The following PKHD1 variants were observed in gnomAD, a reference collection of about 807,000 sequenced individuals.
The protein encoded by PKHD1 is PKHD1 ciliary IPT domain containing fibrocystin/polyductin.
PKHD1 carries 291 observed loss-of-function variants against 412.0 expected under a neutral mutation model. The observed-to-expected ratio is 0.71, with a 90% confidence interval of 0.64 to 0.78. The LOEUF is 0.78. Ranked by LOEUF, PKHD1 falls within the 30% of genes least tolerant of loss-of-function variation. The pLI, the probability that PKHD1 is intolerant of heterozygous loss-of-function variation, is 0.00. For missense variants in PKHD1, 4,825 were observed against 4,950.7 expected (o/e 0.97, Z 0.76); for synonymous variants, 1,777 against 1,821.5 (o/e 0.98, Z 0.62).
chr6:51,760,677 G>T (rs567117435), intron 55 of PKHD1, among the ~76,000 whole-genome samples: 2 of 151,884 alleles, frequency 1.3e-5, no homozygotes, highest in East Asian at 1.9e-4. Flanking sequence ...GTAGCAGATA[G>T]GAAAGAAAAA....
At chr6:51,943,184 T>C (rs925564985) in intron 36 of PKHD1, among the ~76,000 whole-genome samples, 3 of 151,500 alleles carry the variant, frequency 2.0e-5, no homozygotes, top group African/African-American at 7.3e-5. Context: ...AGTGAACTAA[T>C]AGTCTTTTAA....
chr6:51,653,413 A>G (rs1479273232), intron 61 of PKHD1, among the ~76,000 whole-genome samples: 1 of 152,084 alleles, frequency 6.6e-6, no homozygotes, highest in Admixed American at 6.6e-5. Context: ...GTAAGCACCC[A>G]GTACATGTTG....
intron 51 of PKHD1, 89 bp from the exon 52 acceptor site, chr6:51,831,078 A>G: frequency 1.1e-6 from 1 of 948,062 alleles, no homozygotes; most frequent in Non-Finnish European, 1.7e-6. Context: ...TGGTATTTTC[A>G]CCTCCCAAAG....
chr6:51,886,222 T>C (rs1236516659), intron 44 of PKHD1, among the ~76,000 whole-genome samples: 1 of 152,188 alleles, frequency 6.6e-6, no homozygotes, highest in Non-Finnish European at 1.5e-5. Context: ...CCAGGGGCTC[T>C]GCATATTTGG....
At chr6:51,915,850 C>T (rs901697665) in intron 37 of PKHD1, among the ~76,000 whole-genome samples, 2 of 151,968 alleles carry the variant, frequency 1.3e-5, no homozygotes, top group African/African-American at 4.8e-5. Context: ...GATGAACTCA[C>T]AGAAAACACA....
chr6:52,017,302 A>G lies in PKHD1; in HGVS notation c.5600+108T>C, dbSNP rs900929953. Reference sequence around the variant, plus strand: ...CCCCTCCAAGAGAGTTGTAGCCCTTACCACGGCTGCCAGGCCACATCCACC... The same window carrying G: ...CCCCTCCAAGAGAGTTGTAGCCCTTGCCACGGCTGCCAGGCCACATCCACC... On this transcript the variant is annotated intron_variant, in intron 34 of 66. Coordinates refer to ENST00000371117, the MANE Select transcript of PKHD1 (RefSeq NM_138694.4). 6.4e-5 allele frequency: 53 copies of G among 826,660 alleles called. 1 individual carries two copies. The African/African-American group carries it at 8.2e-4, about 13-fold the overall frequency. 51.2% of individuals were successfully genotyped at this position (826,660 alleles called of 1,614,324 possible).
At chr6:51,965,362 G>T (rs1349484015) in intron 35 of PKHD1, among the ~76,000 whole-genome samples, 1 of 152,006 alleles carries the variant, frequency 6.6e-6, no homozygotes, top group Non-Finnish European at 1.5e-5. Context: ...TTTTAATCTG[G>T]ACACAACAGA....
chr6:52,006,815 A>G (rs1424309738), intron 35 of PKHD1, among the ~76,000 whole-genome samples: 1 of 152,100 alleles, frequency 6.6e-6, no homozygotes, highest in African/African-American at 2.4e-5. Context: ...ACTGAACCCA[A>G]TTTGTAGTAT....
intron 52 of PKHD1, among the ~76,000 whole-genome samples, chr6:51,809,870 A>AG (rs1316311204): frequency 4.1e-5 from 4 of 98,466 alleles, no homozygotes; most frequent in Non-Finnish European, 9.0e-5. Context: ...TTTTTTTTCT[A>AG]GAAAAAAAAA....
intron 52 of PKHD1, among the ~76,000 whole-genome samples, chr6:51,797,838 C>T (rs2151303383): frequency 6.6e-6 from 1 of 152,206 alleles, no homozygotes; most frequent in South Asian, 2.1e-4. Flanking sequence ...TGTATTTGAT[C>T]CTGTCATCAT....
intron 60 of PKHD1, among the ~76,000 whole-genome samples, chr6:51,684,261 G>A (rs1438713580): frequency 6.6e-6 from 1 of 152,126 alleles, no homozygotes; most frequent in Non-Finnish European, 1.5e-5. Context: ...ACCACCAGGA[G>A]GGCAGCTACC....
chr6:52,017,365 C>A (rs1271214479), intron 34 of PKHD1, 45 bp downstream of exon 34: 1 of 1,377,342 alleles, frequency 7.3e-7, no homozygotes, highest in Admixed American at 1.7e-5. Flanking sequence ...GGTCCATTGG[C>A]CAAGCATTTG....
At position 51,871,339 on chromosome 6, in the gene PKHD1, G is replaced by A. The variant is rs913244550; in HGVS notation, c.7351-700C>T. Among the ~76,000 whole-genome samples, 14 of 54,932 alleles carry A rather than the reference G, an allele frequency of 2.5e-4. 4 individuals carry two copies. In the South Asian group the frequency reaches 6.5e-3, roughly 26 times the overall value. The allele number at this position is 54,932 out of a possible 152,430, so 36.0% of individuals were successfully genotyped here. A position where few individuals can be genotyped will look rare whatever the true frequency, so the allele number is the denominator to read the frequency against. On this transcript the variant is annotated intron_variant, in intron 46 of 66. Transcript: ENST00000371117. ...ACATCTATCTAATGGAATACTATTC[G>A]TCGATAATAAGGAATGTAATATTGA...
chr6:51,659,169 T>C lies in PKHD1; in HGVS notation c.10957A>G (p.Met3653Val), dbSNP rs373185996. 41 of 1,613,720 alleles carry C rather than the reference T, an allele frequency of 2.5e-5. No homozygotes were observed. Among genetic ancestry groups the C allele is most frequent in the East Asian group, 6.7e-5 (3 of 44,864 alleles). ...EMNSHRASPP[M>V]TVETISKVIV... The stretch of plus-strand genomic sequence containing the variant: ...ACTTTTGAGATAGTTTCCACAGTCA[T>C]TGGGGGTGAAGCCCTATGTGAGTTC... Residue 3653 changes from methionine (M) to valine (V), a missense_variant, in exon 61 of 67, where the codon ATG becomes GTG. Transcript: ENST00000371117.
At chr6:52,078,389 GA>G (rs1468501283) in intron 5 of PKHD1, among the ~76,000 whole-genome samples, 1 of 152,188 alleles carries the variant, frequency 6.6e-6, no homozygotes, top group Non-Finnish European at 1.5e-5. Flanking sequence ...AAATGCAGCA[GA>G]TTAGGATGAG....
At chr6:52,033,430 G>A (rs1562190311) in intron 28 of PKHD1, among the ~76,000 whole-genome samples, 1 of 151,980 alleles carries the variant, frequency 6.6e-6, no homozygotes, top group African/African-American at 2.4e-5. Flanking sequence ...CATGCTGTAA[G>A]GGGTAAATAA....
rs182909969 is a variant in PKHD1, at chr6:51,777,806, C to T, written c.8441-1885G>A. ...GCAGAGTCCCACAAAAAGAGTTCAGCGTTCCTCTAAAATTAGAGATTAAAT... is the reference window on the plus strand; with the variant it reads ...GCAGAGTCCCACAAAAAGAGTTCAGTGTTCCTCTAAAATTAGAGATTAAAT... On this transcript the variant is annotated intron_variant, in intron 53 of 66. Coordinates refer to ENST00000371117, the MANE Select transcript of PKHD1 (RefSeq NM_138694.4). 2.9e-3 allele frequency among the ~76,000 whole-genome samples: 432 copies of T among 151,462 alleles called. 1 individual carries two copies. The highest frequency in any genetic ancestry group is 1.0e-2 in the African/African-American group (412 of 41,292).
Position 51,944,250 on chromosome 6 carries a change from C to T in PKHD1, c.5909-9928G>A, listed in dbSNP as rs551543901. On this transcript the variant is annotated intron_variant, in intron 36 of 66. Coordinates refer to ENST00000371117, the MANE Select transcript of PKHD1 (RefSeq NM_138694.4). ...GCACTTTGTGACCCCCACTCCTACA[C>T]GCCAGAGAACAACCCCCCTTTTTCC... 7.9e-5 allele frequency among the ~76,000 whole-genome samples: 12 copies of T among 151,994 alleles called. No homozygotes were observed. In the East Asian group the frequency reaches 1.4e-3, roughly 17 times the overall value.
chr6:51,985,372 G>A (rs62406002), intron 35 of PKHD1, among the ~76,000 whole-genome samples: 8,172 of 152,250 alleles, frequency 0.054, 295 homozygotes, highest in East Asian at 0.14. Flanking sequence ...TAGTTTCTGG[G>A]TTTATGGAAC....
Sources: allele counts gnomAD v4.1 joint callset (sites outside exome capture counted in the v4.1 genomes callset), GRCh38; gene constraint gnomAD v4.1.1; transcripts MANE v1.5; gene names NCBI Gene and HGNC (gene_info 2026-07-23, HGNC 2026-07-21).